The following AGR3 variants were observed in gnomAD, a reference collection of about 807,000 sequenced individuals.
AGR3 encodes the protein anterior gradient 3, protein disulphide isomerase family member.
Under a neutral mutation model 24.5 loss-of-function variants are expected in AGR3, and 37 were observed. The ratio of observed to expected loss-of-function variants is 1.51; its 90% CI spans 1.16 to 1.99. AGR3 has a LOEUF of 1.99. Among genes scored for constraint, AGR3 ranks in the 30% most tolerant of loss-of-function variants. The probability of loss-of-function intolerance (pLI) is 0.00; values close to 1 mark genes in which losing one functional copy is unlikely to be tolerated. For missense variants in AGR3, 228 were observed against 191.1 expected (o/e 1.19, Z -1.14); for synonymous variants, 75 against 61.6 (o/e 1.22, Z -1.02).
intron 3 of AGR3, among the ~76,000 whole-genome samples, chr7:16,869,218 C>T (rs887060164): frequency 1.3e-5 from 2 of 152,092 alleles, no homozygotes; most frequent in African/African-American, 4.8e-5. Flanking sequence ...TATTTAGGTA[C>T]TGTGATGTTG....
At chr7:16,877,480 G>T (rs1013742579) in intron 2 of AGR3, among the ~76,000 whole-genome samples, 1 of 151,732 alleles carries the variant, frequency 6.6e-6, no homozygotes, top group African/African-American at 2.4e-5. Context: ...CAAGTACTTT[G>T]TGGTAATACT....
downstream of AGR3, among the ~76,000 whole-genome samples, chr7:16,858,430 G>T (rs1326753784): frequency 1.3e-5 from 2 of 152,142 alleles, no homozygotes; most frequent in Non-Finnish European, 2.9e-5. Context: ...TTCCTGTAAA[G>T]AACTGAGTTG....
chr7:16,857,619 G>T (rs1781572229), downstream of AGR3, among the ~76,000 whole-genome samples: 1 of 151,982 alleles, frequency 6.6e-6, no homozygotes, highest in Non-Finnish European at 1.5e-5. Context: ...TAAAATAAAA[G>T]CTCTAGACTT....
intron 2 of AGR3, 102 bp downstream of exon 2, chr7:16,878,408 T>G (rs763595351): frequency 1.2e-5 from 11 of 946,904 alleles, no homozygotes; most frequent in Non-Finnish European, 1.6e-5. Context: ...ATCATTCAGT[T>G]AGTTGAATTT....
At chr7:16,864,361 G>A in intron 3 of AGR3, 1 of 1,323,162 alleles carries the variant, frequency 7.6e-7, no homozygotes, top group Non-Finnish European at 1.1e-6. Context: ...CAGTTCACTG[G>A]CACTATTCTG....
chr7:16,868,726 C>A (rs1781808053), intron 3 of AGR3, among the ~76,000 whole-genome samples: 1 of 151,810 alleles, frequency 6.6e-6, no homozygotes, highest in Admixed American at 6.6e-5. Context: ...AAATCATTGC[C>A]CAGACTAATG....
At chr7:16,859,384 A>T (rs1189660713), downstream of AGR3, 3 of 487,998 alleles carry the variant, frequency 6.1e-6, no homozygotes, top group East Asian at 7.7e-5. Flanking sequence ...GCTACTGATG[A>T]GGCAGAAATA....
chr7:16,876,108 C>T (rs934879885), intron 2 of AGR3, among the ~76,000 whole-genome samples: 3 of 152,124 alleles, frequency 2.0e-5, no homozygotes, highest in Admixed American at 2.0e-4. Context: ...AAACATAGAG[C>T]AATATAATCC....
intron 1 of AGR3, among the ~76,000 whole-genome samples, chr7:16,878,978 A>G (rs938187882): frequency 2.0e-5 from 3 of 152,100 alleles, no homozygotes; most frequent in Non-Finnish European, 4.4e-5. Context: ...AAATAAGATC[A>G]TGTTGTTTGA....
At chr7:16,868,237 C>A (rs1022797838) in intron 3 of AGR3, among the ~76,000 whole-genome samples, 1 of 151,910 alleles carries the variant, frequency 6.6e-6, no homozygotes, top group Non-Finnish European at 1.5e-5. Context: ...CTCACCACAA[C>A]CTCCGCCTCC....
At chr7:16,864,575 A>G in intron 3 of AGR3, 1 of 1,461,850 alleles carries the variant, frequency 6.8e-7, no homozygotes, top group Non-Finnish European at 9.6e-7. Flanking sequence ...TGGATAAGAG[A>G]AATCTGAGCT....
rs1009572699 is a variant in AGR3, at chr7:16,859,605, T to G, written c.478A>C (p.Arg160=). 3 of 1,551,892 alleles carry G rather than the reference T, an allele frequency of 1.9e-6. No homozygotes were observed. Among genetic ancestry groups the G allele is most frequent in the Non-Finnish European group, 2.6e-6 (3 of 1,138,252 alleles). The change falls in exon 8 of 8, where the codon AGA becomes CGA. Residue 160 remains arginine (R), a synonymous_variant. Coordinates refer to ENST00000310398, the MANE Select transcript of AGR3 (RefSeq NM_176813.5). ...TCTTATAGCTCTGACTGAATAAGTC[T>G]TAATGCTTTCTTCATGTTTTCTATC... ...LLIENMKKAL[R]LIQSEL
At chr7:16,879,486 G>A (rs539250984) in intron 1 of AGR3, among the ~76,000 whole-genome samples, 1 of 152,312 alleles carries the variant, frequency 6.6e-6, no homozygotes, top group Admixed American at 6.5e-5. Context: ...GAGATGTTTA[G>A]TTACAGCATT....
chr7:16,864,906 C>A, intron 3 of AGR3: 1 of 903,268 alleles, frequency 1.1e-6, no homozygotes, highest in South Asian at 1.3e-5. Flanking sequence ...CACTGGCTCT[C>A]ACAATATCAT....
chr7:16,870,510 G>A (rs375934049), intron 3 of AGR3, among the ~76,000 whole-genome samples: 2 of 151,872 alleles, frequency 1.3e-5, no homozygotes, highest in South Asian at 4.2e-4. Context: ...CATAATGTTG[G>A]TTTTTTGTTG....
rs138580354 is a variant in AGR3, at chr7:16,880,980, T to G, written c.-28+964A>C. On this transcript the variant is annotated intron_variant, in intron 1 of 7. Transcript: ENST00000310398. ...AAACCCCTGGAAATTGTGTGCAAAA[T>G]TTTATCTGCCTCTGTTCCTTTTCCG... Among the ~76,000 whole-genome samples, 771 of 152,230 alleles carry G rather than the reference T, an allele frequency of 5.1e-3. 7 individuals are homozygous for G. Among genetic ancestry groups the G allele is most frequent in the African/African-American group, 0.017 (687 of 41,540 alleles).
Position 16,864,994 on chromosome 7 carries a change from A to G in AGR3, c.174-2332T>C, listed in dbSNP as rs189395313. The G allele has an allele frequency of 7.2e-6, 7 of 972,930 alleles. No homozygotes were observed. In the East Asian group the frequency reaches 1.7e-4, roughly 23 times the overall value. 60.3% of individuals were successfully genotyped at this position (972,930 alleles called of 1,614,324 possible). A position where few individuals can be genotyped will look rare whatever the true frequency, so the allele number is the denominator to read the frequency against. Reference sequence around the variant, plus strand: ...GTCTCCTGGCATGTGTGACATTTCTACTACCTCCTCAGGTTCAACAAGTAT... The same window carrying G: ...GTCTCCTGGCATGTGTGACATTTCTGCTACCTCCTCAGGTTCAACAAGTAT... On this transcript the variant is annotated intron_variant, in intron 3 of 7. Coordinates refer to ENST00000310398, the MANE Select transcript of AGR3 (RefSeq NM_176813.5).
At chr7:16,862,490 T>C (rs1249702733) in intron 4 of AGR3, 120 bp downstream of exon 4, 3 of 512,390 alleles carry the variant, frequency 5.9e-6, no homozygotes, top group Admixed American at 4.1e-5. Flanking sequence ...CTCTGGCAGT[T>C]GTCTATTTTT....
intron 3 of AGR3, among the ~76,000 whole-genome samples, chr7:16,862,964 T>C (rs1202447565): frequency 6.6e-6 from 1 of 152,200 alleles, no homozygotes; most frequent in Non-Finnish European, 1.5e-5. Context: ...CCAGCTGCTC[T>C]GGAGGCTGAG....
Sources: allele counts gnomAD v4.1 joint callset (sites outside exome capture counted in the v4.1 genomes callset), GRCh38; gene constraint gnomAD v4.1.1; transcripts MANE v1.5; gene names NCBI Gene and HGNC (gene_info 2026-07-23, HGNC 2026-07-21).